Variants in CLINT1 observed in about 807,000 individuals in gnomAD.
CLINT1 encodes the protein clathrin interactor 1.
Under a neutral mutation model 70.4 loss-of-function variants are expected in CLINT1, and 15 were observed. The ratio of observed to expected loss-of-function variants is 0.21; its 90% CI spans 0.14 to 0.33. The LOEUF (loss-of-function observed/expected upper bound fraction) is 0.33, where lower values mean the gene tolerates loss of function less well. Ranked by LOEUF, CLINT1 falls within the 10% of genes least tolerant of loss-of-function variation. CLINT1 has a pLI of 1.00. For synonymous variants in CLINT1, 227 were observed against 254.7 expected (o/e 0.89, Z 1.04); for missense variants, 615 against 778.1 (o/e 0.79, Z 2.49).
chr5:157,855,793 G>C (rs1753740120), intron 1 of CLINT1, among the ~76,000 whole-genome samples: 2 of 152,082 alleles, frequency 1.3e-5, no homozygotes, highest in African/African-American at 4.8e-5. Flanking sequence ...AGATTAGCTG[G>C]GTGTGGTGGC....
In CLINT1 at chr5:157,785,776, C is replaced by T. The variant is rs1248007200; in HGVS notation, c.*1870G>A. ...GATAAACATTTACTTCGTCTAAGAA[C>T]CATACATATTTGAGAAAGTGAAGAT... On this transcript the variant is annotated 3_prime_UTR_variant, in exon 12 of 12. Coordinates refer to ENST00000411809, the MANE Select transcript of CLINT1 (RefSeq NM_014666.4). 2 of 151,990 alleles carry T rather than the reference C, an allele frequency of 1.3e-5. No homozygotes were observed. Among genetic ancestry groups the T allele is most frequent in the Admixed American group, 6.6e-5 (1 of 15,260 alleles). The allele number at this position is 151,990 out of a possible 1,614,324, so 9.4% of individuals were successfully genotyped here.
At position 157,803,660 on chromosome 5, in the gene CLINT1, G is replaced by A; in HGVS notation, c.1002C>T (p.Ser334=). Residue 334 remains serine (S), a synonymous_variant, in exon 8 of 12, where the codon AGC becomes AGT. Coordinates refer to ENST00000411809, the MANE Select transcript of CLINT1 (RefSeq NM_014666.4). ...AATGTAGAAGCTTACCTGTTGACTG[G>A]CTGGTGCCATCAAACAGATCAACAA... The part of the protein sequence containing the change: ...GDLVDLFDGT[S]QSTGGSADLF... 6.6e-7 allele frequency: 1 copy of A among 1,521,940 alleles called. No homozygotes were observed. Among genetic ancestry groups the A allele is most frequent in the South Asian group, 1.3e-5 (1 of 74,118 alleles). 94.3% of individuals were successfully genotyped at this position (1,521,940 alleles called of 1,614,324 possible).
At chr5:157,827,296 T>G (rs1763068709) in intron 1 of CLINT1, among the ~76,000 whole-genome samples, 1 of 152,150 alleles carries the variant, frequency 6.6e-6, no homozygotes, top group Non-Finnish European at 1.5e-5. Context: ...AGAGGATAAT[T>G]GAAAAGATAG....
intron 1 of CLINT1, among the ~76,000 whole-genome samples, 184 bp downstream of exon 1, chr5:157,858,746 G>A (rs1753836529): frequency 6.6e-6 from 1 of 152,162 alleles, no homozygotes; most frequent in Admixed American, 6.5e-5. Context: ...AACGAGGGAG[G>A]GTCCCTCCCC....
At chr5:157,848,935 T>C (rs765462599) in intron 1 of CLINT1, among the ~76,000 whole-genome samples, 1 of 152,186 alleles carries the variant, frequency 6.6e-6, no homozygotes. Context: ...GTGCTGGGAT[T>C]ACAGGTGTAA....
At position 157,814,196 on chromosome 5, in the gene CLINT1, T is replaced by C; in HGVS notation, c.341A>G (p.Tyr114Cys). ...HIYDLRSLEN[Y>C]HFVDEHGKDQ... ...TTTCTATTGCTTACCTACAAAGTGGTAATTTTCCAGGGATCGTAAATCATA... is the reference window on the plus strand; with the variant it reads ...TTTCTATTGCTTACCTACAAAGTGGCAATTTTCCAGGGATCGTAAATCATA... Residue 114 changes from tyrosine (Y) to cysteine (C), a missense_variant, in exon 4 of 12, where the codon TAC (tyrosine) becomes TGC (cysteine). Physicochemically the swap from Tyr to Cys is radical, Grantham distance 194. Transcript: ENST00000411809. 1 of 1,604,946 alleles carries C rather than the reference T, an allele frequency of 6.2e-7. No homozygotes were observed. The highest frequency in any genetic ancestry group is 1.1e-5 in the South Asian group (1 of 89,590).
intron 1 of CLINT1, among the ~76,000 whole-genome samples, chr5:157,853,176 C>T (rs970642885): frequency 7.9e-5 from 12 of 151,674 alleles, no homozygotes; most frequent in Admixed American, 6.6e-5. Context: ...GATGAAACCC[C>T]GTCTCTACAA....
At position 157,817,344 on chromosome 5, in the gene CLINT1, T is replaced by A. The variant is rs116184349; in HGVS notation, c.146+99A>T. 8.6e-4 allele frequency: 624 copies of A among 725,440 alleles called. 2 individuals carry two copies. The African/African-American group carries it at 9.3e-3, about 11-fold the overall frequency. 44.9% of individuals were successfully genotyped at this position (725,440 alleles called of 1,614,324 possible). A position where few individuals can be genotyped will look rare whatever the true frequency, so the allele number is the denominator to read the frequency against. Reference sequence around the variant, plus strand: ...CTGAATGATTATGCAAAATTTATATTTTGGCAGCCAAATAGTTTAAATCTG... The same window carrying A: ...CTGAATGATTATGCAAAATTTATATATTGGCAGCCAAATAGTTTAAATCTG... On this transcript the variant is annotated intron_variant, in intron 2 of 11. Coordinates refer to ENST00000411809, the MANE Select transcript of CLINT1 (RefSeq NM_014666.4).
rs369160163 is a variant in CLINT1, at chr5:157,830,796, C to CTATATATA, written c.42-13257_42-13250dup. Among the ~76,000 whole-genome samples, 291 of 85,666 alleles carry CTATATATA rather than the reference C, an allele frequency of 3.4e-3. 1 individual carries two copies. Among genetic ancestry groups the CTATATATA allele is most frequent in the African/African-American group, 0.012 (232 of 19,612 alleles). 56.2% of individuals were successfully genotyped at this position (85,666 alleles called of 152,430 possible). ...TCTCTCTCTCTCTCTCTCTCTCTCT[C>CTATATATA]TATATATATATATATATATAGAAAC... is the stretch of plus-strand genomic sequence containing the variant. On this transcript the variant is annotated intron_variant, in intron 1 of 11. Coordinates refer to ENST00000411809, the MANE Select transcript of CLINT1 (RefSeq NM_014666.4).
intron 5 of CLINT1, among the ~76,000 whole-genome samples, chr5:157,812,199 T>C (rs1161786605): frequency 6.6e-6 from 1 of 152,172 alleles, no homozygotes; most frequent in African/African-American, 2.4e-5. Flanking sequence ...GATTTTTACA[T>C]GGTTCCATTG....
chr5:157,798,202 TAAGC>T (rs1355970560), intron 8 of CLINT1, among the ~76,000 whole-genome samples: 1 of 152,222 alleles, frequency 6.6e-6, no homozygotes, highest in African/African-American at 2.4e-5. Context: ...TTTCTATACT[TAAGC>T]ATTTTCCCAG....
intron 7 of CLINT1, among the ~76,000 whole-genome samples, chr5:157,805,416 T>C (rs1762355747): frequency 6.6e-6 from 1 of 152,214 alleles, no homozygotes; most frequent in Non-Finnish European, 1.5e-5. Context: ...TGATCAGTAA[T>C]GACTGTGAGG....
intron 9 of CLINT1, among the ~76,000 whole-genome samples, chr5:157,793,473 C>G (rs746215753): frequency 6.6e-6 from 1 of 152,108 alleles, no homozygotes; most frequent in Non-Finnish European, 1.5e-5. Context: ...ATCATTGTTG[C>G]AATGGTTTCA....
intron 1 of CLINT1, among the ~76,000 whole-genome samples, chr5:157,830,919 T>C (rs1039032428): frequency 1.3e-5 from 2 of 151,244 alleles, no homozygotes; most frequent in Non-Finnish European, 2.9e-5. Context: ...TCCCAGCTAC[T>C]GGAGGTGAGG....
At chr5:157,847,201 A>G (rs1753412812) in intron 1 of CLINT1, among the ~76,000 whole-genome samples, 1 of 152,172 alleles carries the variant, frequency 6.6e-6, no homozygotes, top group South Asian at 2.1e-4. Flanking sequence ...TCACCATACT[A>G]GTTTTGCCAT....
chr5:157,809,519 ATTTCAG>A, intron 6 of CLINT1, 103 bp downstream of exon 6: 1 of 805,976 alleles, frequency 1.2e-6, no homozygotes. Flanking sequence ...AAAAGGCCCA[ATTTCAG>A]ATAATGTTAA....
At chr5:157,815,168 C>G (rs117782158) in intron 3 of CLINT1, among the ~76,000 whole-genome samples, 1 of 150,818 alleles carries the variant, frequency 6.6e-6, no homozygotes, top group South Asian at 2.1e-4. Context: ...GGTATTGTGG[C>G]GCACACCTGT....
At chr5:157,847,163 A>C (rs1753410791) in intron 1 of CLINT1, among the ~76,000 whole-genome samples, 1 of 152,266 alleles carries the variant, frequency 6.6e-6, no homozygotes, top group South Asian at 2.1e-4. Flanking sequence ...ATCTGGGAAA[A>C]GTAAATTGAA....
chr5:157,813,830 GA>G (rs1299873341), intron 4 of CLINT1, among the ~76,000 whole-genome samples: 2 of 152,040 alleles, frequency 1.3e-5, no homozygotes, highest in Non-Finnish European at 2.9e-5. Flanking sequence ...TGGTGGGAGG[GA>G]AAAAAACCCC....
Sources: allele counts gnomAD v4.1 joint callset (sites outside exome capture counted in the v4.1 genomes callset), GRCh38; gene constraint gnomAD v4.1.1; transcripts MANE v1.5; gene names NCBI Gene and HGNC (gene_info 2026-07-23, HGNC 2026-07-21).